GALNT3: variants seen among roughly 807,000 people sequenced by gnomAD.
The protein encoded by GALNT3 is polypeptide N-acetylgalactosaminyltransferase 3, also known as GalNAc transferase 3.
A neutral mutation model predicts 69.8 loss-of-function variants in GALNT3; 51 were observed. That is an observed-to-expected ratio of 0.73 (90% CI 0.58 to 0.92). The LOEUF is 0.92. Among genes scored for constraint, GALNT3 ranks in the 40% least tolerant of loss-of-function variants. The pLI is 0.00. For synonymous variants in GALNT3, 265 were observed against 248.5 expected (o/e 1.07, Z -0.63); for missense variants, 711 against 760.0 (o/e 0.94, Z 0.76).
At position 165,761,968 on chromosome 2, in the gene GALNT3, T is replaced by C; in HGVS notation, c.775A>G (p.Thr259Ala). 6.2e-7 allele frequency: 1 copy of C among 1,613,894 alleles called. No homozygotes were observed. Among genetic ancestry groups the C allele is most frequent in the Non-Finnish European group, 8.5e-7 (1 of 1,179,772 alleles). ...ACTGTTGCTCCTAGCAACCGAGCAG[T>C]GATCAGACCTTTTCTTTCTCTTTGT... ...VRQRERKGLI[T>A]ARLLGATVAT... The change falls in exon 4 of 11, where the codon ACT becomes GCT. Residue 259 changes from threonine (T) to alanine (A), a missense_variant. Transcript: ENST00000392701.
intron 3 of GALNT3, among the ~76,000 whole-genome samples, chr2:165,764,221 T>C (rs1006216679): frequency 6.6e-6 from 1 of 152,188 alleles, no homozygotes; most frequent in Admixed American, 6.5e-5. Flanking sequence ...GTAAGTAATA[T>C]TGGAATATTT....
At chr2:165,755,306 T>C (rs1688426927) in intron 7 of GALNT3, among the ~76,000 whole-genome samples, 1 of 152,202 alleles carries the variant, frequency 6.6e-6, no homozygotes, top group African/African-American at 2.4e-5. Context: ...GATGCTATTT[T>C]ATTCTTCATT....
intron 1 of GALNT3, among the ~76,000 whole-genome samples, chr2:165,791,691 G>C (rs543436630): frequency 9.7e-4 from 148 of 152,214 alleles, no homozygotes; most frequent in African/African-American, 3.3e-3. Context: ...TATATTTTAA[G>C]CCAATATAAT....
chr2:165,787,970 AT>A (rs1485016962), intron 1 of GALNT3, among the ~76,000 whole-genome samples: 1 of 152,314 alleles, frequency 6.6e-6, no homozygotes, highest in Admixed American at 6.5e-5. Context: ...TCCAAATTAA[AT>A]AGACTAATTA....
intron 3 of GALNT3, among the ~76,000 whole-genome samples, chr2:165,762,887 G>T (rs1688576974): frequency 6.6e-6 from 1 of 152,110 alleles, no homozygotes; most frequent in Non-Finnish European, 1.5e-5. Flanking sequence ...CCTCTGGGCT[G>T]CAAGCAGTTT....
Position 165,770,197 on chromosome 2 carries a change from A to G in GALNT3, c.504T>C (p.Thr168=), listed in dbSNP as rs183709224. ...ATTCTTCAACATACTCAGGAGGTCG[A>G]GTGTCTGGTCCAAGATCTCGGTGCA... ...ISLHRDLGPD[T]RPPECIEQKF... is the part of the protein sequence containing the mutation. Residue 168 remains threonine (T), a synonymous_variant, in exon 2 of 11, where the codon ACT becomes ACC. Coordinates refer to ENST00000392701, the MANE Select transcript of GALNT3 (RefSeq NM_004482.4). The G allele has an allele frequency of 2.4e-4, 382 of 1,614,154 alleles. 2 individuals carry two copies. In the East Asian group the frequency reaches 5.5e-3, roughly 23 times the overall value.
At chr2:165,789,962 T>C (rs966804703) in intron 1 of GALNT3, among the ~76,000 whole-genome samples, 4 of 152,208 alleles carry the variant, frequency 2.6e-5, no homozygotes, top group Non-Finnish European at 4.4e-5. Flanking sequence ...TTTCAGAGGA[T>C]GATTTTTGAA....
At chr2:165,779,540 T>C (rs563819536) in intron 1 of GALNT3, among the ~76,000 whole-genome samples, 1 of 152,352 alleles carries the variant, frequency 6.6e-6, no homozygotes, top group South Asian at 2.1e-4. Context: ...ACAGCTATTG[T>C]AGTCATTGCT....
At chr2:165,766,830 CTTTT>C (rs1688651603) in intron 2 of GALNT3, among the ~76,000 whole-genome samples, 1 of 151,966 alleles carries the variant, frequency 6.6e-6, no homozygotes, top group African/African-American at 2.4e-5. Context: ...CTCTGATACC[CTTTT>C]TTAACAGCAA....
intron 10 of GALNT3, 67 bp from the exon 11 acceptor site, chr2:165,748,970 G>T (rs1688307714): frequency 1.3e-6 from 2 of 1,487,366 alleles, no homozygotes; most frequent in South Asian, 1.2e-5. Context: ...ATATGAAAAA[G>T]ATTTTATGGT....
intron 1 of GALNT3, among the ~76,000 whole-genome samples, chr2:165,775,864 A>C (rs1688836702): frequency 6.6e-6 from 1 of 152,226 alleles, no homozygotes; most frequent in Non-Finnish European, 1.5e-5. Context: ...ATCTGTCCAA[A>C]GGCAACCACA....
intron 2 of GALNT3, among the ~76,000 whole-genome samples, chr2:165,768,323 A>G (rs1688684230): frequency 6.6e-6 from 1 of 152,184 alleles, no homozygotes; most frequent in African/African-American, 2.4e-5. Flanking sequence ...GGGAGAAAAA[A>G]GCTCATTTTG....
intron 1 of GALNT3, among the ~76,000 whole-genome samples, chr2:165,783,018 A>G (rs1203599971): frequency 1.3e-5 from 2 of 152,148 alleles, no homozygotes; most frequent in Non-Finnish European, 2.9e-5. Flanking sequence ...CTGCAAGCCA[A>G]TGTTTTCTGA....
intron 1 of GALNT3, among the ~76,000 whole-genome samples, chr2:165,781,075 T>C (rs1683095958): frequency 6.6e-6 from 1 of 152,168 alleles, no homozygotes. Flanking sequence ...GATTCTGCTA[T>C]TGGCACTTTC....
intron 1 of GALNT3, among the ~76,000 whole-genome samples, chr2:165,783,649 A>G (rs1683160837): frequency 6.6e-6 from 1 of 152,230 alleles, no homozygotes; most frequent in African/African-American, 2.4e-5. Flanking sequence ...AGTACAAAAA[A>G]GACAATTTGT....
At position 165,761,939 on chromosome 2, in the gene GALNT3, T is replaced by TG. The variant is rs766750282; in HGVS notation, c.803dup (p.Thr269AsnfsTer3). ...CTAAAAATGTGAGCGTTTCAGCTGT[T>TG]GCGACTGTTGCTCCTAGCAACCGAG... On this transcript the variant is annotated frameshift_variant, in exon 4 of 11. Coordinates refer to ENST00000392701, the MANE Select transcript of GALNT3 (RefSeq NM_004482.4). LOFTEE classifies it high-confidence loss of function. 19 of 1,614,038 alleles carry TG rather than the reference T, an allele frequency of 1.2e-5. No homozygotes were observed. Among genetic ancestry groups the TG allele is most frequent in the Non-Finnish European group, 1.6e-5 (19 of 1,180,016 alleles).
chr2:165,762,575 A>C (rs1184009922), intron 3 of GALNT3, among the ~76,000 whole-genome samples: 1 of 152,240 alleles, frequency 6.6e-6, no homozygotes, highest in Non-Finnish European at 1.5e-5. Flanking sequence ...CAGCTATAGC[A>C]GTTTGGGACG....
chr2:165,794,468 T>C (rs1482033962), upstream of GALNT3: 2 of 152,416 alleles, frequency 1.3e-5, no homozygotes, highest in African/African-American at 4.8e-5. Context: ...CCCATCTACA[T>C]TGGAGGAATC....
chr2:165,771,900 T>G (rs1688759430), intron 1 of GALNT3, among the ~76,000 whole-genome samples: 1 of 152,208 alleles, frequency 6.6e-6, no homozygotes, highest in Non-Finnish European at 1.5e-5. Context: ...TTAAGCTGAA[T>G]AAACAAAATA....
Sources: allele counts gnomAD v4.1 joint callset (sites outside exome capture counted in the v4.1 genomes callset), GRCh38; gene constraint gnomAD v4.1.1; transcripts MANE v1.5; gene names NCBI Gene and HGNC (gene_info 2026-07-23, HGNC 2026-07-21).